MYO9A: variants seen among roughly 807,000 people sequenced by gnomAD.
MYO9A encodes myosin IXA.
A neutral mutation model predicts 293.3 loss-of-function variants in MYO9A; 103 were observed. The observed-to-expected ratio is 0.35, with a 90% confidence interval of 0.30 to 0.41. MYO9A has a LOEUF of 0.41. Ranked by LOEUF, MYO9A falls within the 10% of genes least tolerant of loss-of-function variation. The probability of loss-of-function intolerance (pLI) is 1.00; values close to 1 mark genes in which losing one functional copy is unlikely to be tolerated. For synonymous variants in MYO9A, 1,001 were observed against 1,035.7 expected (o/e 0.97, Z 0.64); for missense variants, 2,685 against 3,033.0 (o/e 0.89, Z 2.69).
intron 15 of MYO9A, among the ~76,000 whole-genome samples, chr15:71,947,445 CTTCT>C (rs1323425872): frequency 6.6e-6 from 1 of 151,952 alleles, no homozygotes; most frequent in Non-Finnish European, 1.5e-5. Flanking sequence ...CTCCTAAGTA[CTTCT>C]TTATTTATAT....
rs1459852181 is a variant in MYO9A, at chr15:72,019,065, C to A, written c.1129G>T (p.Asp377Tyr). The A allele has an allele frequency of 6.2e-7, 1 of 1,613,778 alleles. No individual in the cohort carries two copies. Among genetic ancestry groups the A allele is most frequent in the Non-Finnish European group, 8.5e-7 (1 of 1,179,818 alleles). The change falls in exon 6 of 42, where the codon GAT becomes TAT. Residue 377 changes from aspartate (D) to tyrosine (Y), a missense_variant. Physicochemically the swap from Asp to Tyr is radical, Grantham distance 160 (BLOSUM62 -3). This residue lies in a region of MYO9A where 289 missense variants were observed against 456.8 expected (regional missense o/e 0.63). Transcript: ENST00000356056. ...ITKKPLRQSW[D>Y]DYCYDSEPDC... ...GGCTCAGAGTCATAGCAATAATCAT[C>A]CCAGCTCTGTCTGAGGGGTTTCTTT...
In MYO9A at chr15:71,825,582, A is replaced by G. The variant is rs1297794759; in HGVS notation, c.*998T>C. On this transcript the variant is annotated 3_prime_UTR_variant, in exon 42 of 42. Transcript: ENST00000356056. ...ATATTGTATGTGAATGTTTTTGGAA[A>G]CTAACTAAACGGTCACATTATTTGT... 1 of 152,108 alleles carries G rather than the reference A, an allele frequency of 6.6e-6. No individual in the cohort carries two copies. Among genetic ancestry groups the G allele is most frequent in the African/African-American group, 2.4e-5 (1 of 41,434 alleles). The allele number at this position is 152,108 out of a possible 1,614,324, so 9.4% of individuals were successfully genotyped here. A position where few individuals can be genotyped will look rare whatever the true frequency, so the allele number is the denominator to read the frequency against.
Position 71,951,636 on chromosome 15 carries a change from T to C in MYO9A, c.2302+141A>G, listed in dbSNP as rs116083708. On this transcript the variant is annotated intron_variant, in intron 15 of 41. Transcript: ENST00000356056. ...TCAAAAGAAAGTACTAAAGACTCAATAGAAATATTCAAAGACTGCTCAGAG... is the reference window on the plus strand; with the variant it reads ...TCAAAAGAAAGTACTAAAGACTCAACAGAAATATTCAAAGACTGCTCAGAG... The C allele has an allele frequency of 1.8e-4, 163 of 884,738 alleles. 1 individual carries two copies. The highest frequency in any genetic ancestry group is 9.1e-4 in the Middle Eastern group (4 of 4,386). 54.8% of individuals were successfully genotyped at this position (884,738 alleles called of 1,614,324 possible).
intron 41 of MYO9A, 133 bp from the exon 42 acceptor site, chr15:71,827,176 A>G (rs2054540041): frequency 1.6e-6 from 1 of 641,290 alleles, no homozygotes; most frequent in African/African-American, 1.8e-5. Context: ...ATGACTTACT[A>G]TGGGCACAGT....
chr15:72,052,996 T>C (rs1386337941), intron 1 of MYO9A, among the ~76,000 whole-genome samples: 1 of 144,754 alleles, frequency 6.9e-6, no homozygotes, highest in Non-Finnish European at 1.5e-5. Context: ...TATCACCCCA[T>C]AGCAAGATGG....
intron 32 of MYO9A, among the ~76,000 whole-genome samples, chr15:71,868,802 G>A (rs2056418189): frequency 6.6e-6 from 1 of 152,066 alleles, no homozygotes; most frequent in Non-Finnish European, 1.5e-5. Flanking sequence ...AAAGGGGGTT[G>A]GAGTTAGACT....
intron 29 of MYO9A, among the ~76,000 whole-genome samples, chr15:71,880,132 C>T (rs2056828222): frequency 6.6e-6 from 1 of 152,214 alleles, no homozygotes; most frequent in Admixed American, 6.5e-5. Context: ...AAATTAAAGT[C>T]ACTACTAAAG....
intron 32 of MYO9A, among the ~76,000 whole-genome samples, chr15:71,864,835 A>C (rs2056269502): frequency 2.6e-5 from 4 of 152,188 alleles, no homozygotes; most frequent in Admixed American, 2.6e-4. Context: ...AGTGACTGTA[A>C]ACTGGCATGA....
chr15:71,951,766 T>G lies in MYO9A; in HGVS notation c.2302+11A>C. 1 of 1,613,710 alleles carries G rather than the reference T, an allele frequency of 6.2e-7. No homozygotes were observed. Among genetic ancestry groups the G allele is most frequent in the Non-Finnish European group, 8.5e-7 (1 of 1,179,868 alleles). On this transcript the variant is annotated intron_variant, in intron 15 of 41. Coordinates refer to ENST00000356056, the MANE Select transcript of MYO9A (RefSeq NM_006901.4). ...TATGTGATAACAGTTTATCAGGATT[T>G]GTAGCCTTACTGTACTTCTCTTCCT...
rs930060326 is a variant in MYO9A at position 72,017,065 on chromosome 15, C to T, written c.1155+1974G>A. ...AAATAGAGTCTTGCTGTGTCACCCA[C>T]GCTGGAGTGTAATGGTGTGATCTTG... On this transcript the variant is annotated intron_variant, in intron 6 of 41. Coordinates refer to ENST00000356056, the MANE Select transcript of MYO9A (RefSeq NM_006901.4). Among the ~76,000 whole-genome samples, 3 of 134,732 alleles carry T rather than the reference C, an allele frequency of 2.2e-5. No homozygotes were observed. In the South Asian group the frequency reaches 7.4e-4, roughly 33 times the overall value. 88.4% of individuals were successfully genotyped at this position (134,732 alleles called of 152,430 possible).
intron 7 of MYO9A, among the ~76,000 whole-genome samples, chr15:72,008,436 G>GATGGGTGT (rs775173918): frequency 7.2e-6 from 1 of 138,738 alleles, no homozygotes; most frequent in Non-Finnish European, 1.6e-5. Context: ...GAGGTAAATG[G>GATGGGTGT]GTGTGTGTGT....
chr15:71,857,855 C>T (rs916761667), intron 34 of MYO9A, among the ~76,000 whole-genome samples: 1 of 152,236 alleles, frequency 6.6e-6, no homozygotes, highest in African/African-American at 2.4e-5. Context: ...GCAATCTACT[C>T]ATCTGACAAA....
chr15:72,103,064 T>A (rs201965902), intron 1 of MYO9A, among the ~76,000 whole-genome samples: 3 of 206 alleles, frequency 0.015, no homozygotes, highest in African/African-American at 0.048. Flanking sequence ...TCACTGAACC[T>A]CCACTCCCGG....
Position 72,041,984 on chromosome 15 carries a change from T to C in MYO9A, c.840+3740A>G, listed in dbSNP as rs565325083. 2.7e-5 allele frequency among the ~76,000 whole-genome samples: 4 copies of C among 149,966 alleles called. No individual in the cohort carries two copies. In the East Asian group the frequency reaches 5.9e-4, roughly 22 times the overall value. On this transcript the variant is annotated intron_variant, in intron 2 of 41. Transcript: ENST00000356056. ...TCCCATAAAAAACACCAGGTCCAGA[T>C]GGTTTCATTAATGAATTCCAACACT...
At chr15:71,925,791 T>TAGA (rs200535418) in intron 18 of MYO9A, among the ~76,000 whole-genome samples, 3,766 of 152,304 alleles carry the variant, frequency 0.025, 66 homozygotes, top group Non-Finnish European at 0.039. Flanking sequence ...ACCATCATAC[T>TAGA]AGAGATTTAA....
chr15:71,904,232 C>T (rs904531349), intron 20 of MYO9A, among the ~76,000 whole-genome samples, 193 bp from the exon 21 acceptor site: 31 of 152,122 alleles, frequency 2.0e-4, no homozygotes, highest in Non-Finnish European at 7.3e-5. Context: ...ACTGCCCAAC[C>T]CTAGGGAAAA....
chr15:71,826,009 G>GTTTTTTT lies in MYO9A; in HGVS notation c.*564_*570dup, dbSNP rs1158678203. ...GGTTTTTTTTTGTTTTTTTTTTTTT[G>GTTTTTTT]TTTTTTTTTTTTGTTTTTGCTTTCC... is the stretch of plus-strand genomic sequence containing the variant. On this transcript the variant is annotated 3_prime_UTR_variant, in exon 42 of 42. Coordinates refer to ENST00000356056, the MANE Select transcript of MYO9A (RefSeq NM_006901.4). 1.7e-3 allele frequency: 107 copies of GTTTTTTT among 64,126 alleles called. No homozygotes were observed. The highest frequency in any genetic ancestry group is 2.4e-3 in the Non-Finnish European group (75 of 31,816). The allele number at this position is 64,126 out of a possible 1,614,324, so 4.0% of individuals were successfully genotyped here.
chr15:71,864,527 C>T (rs906739948), intron 32 of MYO9A, among the ~76,000 whole-genome samples: 2 of 152,102 alleles, frequency 1.3e-5, no homozygotes, highest in African/African-American at 2.4e-5. Flanking sequence ...AAAACCTGTA[C>T]GTAACTGTTC....
At chr15:71,841,810 G>GTTTTTTTTGT (rs1555459978) in intron 39 of MYO9A, among the ~76,000 whole-genome samples, 1 of 144,648 alleles carries the variant, frequency 6.9e-6, no homozygotes, top group Admixed American at 6.8e-5. Flanking sequence ...TTTTTTTTTT[G>GTTTTTTTTGT]TTTTTTTTGT....
Sources: gnomAD v4.1 joint callset for allele counts (sites outside exome capture counted in the v4.1 genomes callset) on GRCh38, gnomAD v4.1.1 for gene constraint, gnomAD v4.1.1 regional missense constraint, MANE v1.5 for transcripts, NCBI Gene and HGNC (gene_info 2026-07-23, HGNC 2026-07-21) for gene names.